CTNNBL1: variants seen among roughly 807,000 people sequenced by gnomAD.
CTNNBL1 encodes the protein catenin beta like 1.
CTNNBL1 carries 31 observed loss-of-function variants against 72.7 expected under a neutral mutation model. The ratio of observed to expected loss-of-function variants is 0.43; its 90% CI spans 0.32 to 0.58. The LOEUF is 0.58. Ranked by LOEUF, CTNNBL1 falls within the 20% of genes least tolerant of loss-of-function variation. CTNNBL1 has a pLI of 0.08. For missense variants in CTNNBL1, 534 were observed against 725.1 expected, an observed-to-expected ratio of 0.74 and a Z score of 3.03; for synonymous variants, 240 against 267.3, an observed-to-expected ratio of 0.90 and a Z score of 1.00.
rs1235983707 is a variant in CTNNBL1 at position 37,777,333 on chromosome 20, A to G, written c.751-12A>G. The stretch of plus-strand genomic sequence containing the variant: ...CCTTAACATTTTTCTCATTTCTCCT[A>G]TTTCCCCATAGGCAAAGATGCCTTT... On this transcript the variant is annotated splice_polypyrimidine_tract_variant and intron_variant, in intron 7 of 15. Transcript: ENST00000361383. The G allele has an allele frequency of 6.2e-7, 1 of 1,611,706 alleles. No homozygotes were observed. Among genetic ancestry groups the G allele is most frequent in the Non-Finnish European group, 8.5e-7 (1 of 1,177,996 alleles).
intron 11 of CTNNBL1, among the ~76,000 whole-genome samples, chr20:37,806,026 G>C (rs1012152036): frequency 3.9e-5 from 6 of 152,194 alleles, no homozygotes; most frequent in Non-Finnish European, 8.8e-5. Context: ...CAGATTGATG[G>C]TTGTCAGTCA....
chr20:37,858,092 G>T, intron 13 of CTNNBL1, among the ~76,000 whole-genome samples: 1 of 152,250 alleles, frequency 6.6e-6, no homozygotes, highest in African/African-American at 2.4e-5. Context: ...AGCTATTTGA[G>T]AGGCTAAGGT....
intron 1 of CTNNBL1, among the ~76,000 whole-genome samples, chr20:37,695,387 G>T (rs1422478112): frequency 6.6e-6 from 1 of 152,022 alleles, no homozygotes; most frequent in East Asian, 1.9e-4. Context: ...TAGAGACAGG[G>T]TCTTGCTATG....
chr20:37,799,499 C>T (rs1255100697), intron 10 of CTNNBL1, among the ~76,000 whole-genome samples: 2 of 152,218 alleles, frequency 1.3e-5, no homozygotes, highest in African/African-American at 4.8e-5. Context: ...CGTTCTCTGC[C>T]TGGCAAATAC....
intron 7 of CTNNBL1, among the ~76,000 whole-genome samples, chr20:37,768,414 C>T (rs969484166): frequency 1.3e-5 from 2 of 152,154 alleles, no homozygotes; most frequent in African/African-American, 4.8e-5. Context: ...GTTTCACAAA[C>T]AGAATTATGT....
intron 1 of CTNNBL1, among the ~76,000 whole-genome samples, chr20:37,697,628 C>T (rs555627518): frequency 6.6e-6 from 1 of 152,286 alleles, no homozygotes; most frequent in African/African-American, 2.4e-5. Flanking sequence ...TCATTCAACC[C>T]ACTTGTTCAT....
chr20:37,853,496 C>T (rs1199791345), intron 13 of CTNNBL1, among the ~76,000 whole-genome samples: 3 of 152,184 alleles, frequency 2.0e-5, no homozygotes, highest in Admixed American at 6.5e-5. Flanking sequence ...AGGCACCCTT[C>T]GAAGTTCTTT....
intron 1 of CTNNBL1, among the ~76,000 whole-genome samples, chr20:37,712,587 A>C (rs2072947898): frequency 1.3e-5 from 2 of 152,236 alleles, no homozygotes; most frequent in African/African-American, 4.8e-5. Context: ...TGCATTGAGC[A>C]GCGATTGTGA....
chr20:37,702,323 G>GC (rs1388497446), intron 1 of CTNNBL1, among the ~76,000 whole-genome samples: 1 of 152,162 alleles, frequency 6.6e-6, no homozygotes, highest in Non-Finnish European at 1.5e-5. Context: ...ATTATTATGT[G>GC]CCTCATAAGG....
intron 15 of CTNNBL1, among the ~76,000 whole-genome samples, chr20:37,867,368 C>T (rs1353996118): frequency 6.6e-6 from 1 of 152,166 alleles, no homozygotes; most frequent in Non-Finnish European, 1.5e-5. Context: ...CAGGTCTCCG[C>T]CCTGGAAGAC....
intron 11 of CTNNBL1, among the ~76,000 whole-genome samples, chr20:37,807,322 C>T (rs1446032094): frequency 6.6e-6 from 1 of 152,186 alleles, no homozygotes; most frequent in Non-Finnish European, 1.5e-5. Flanking sequence ...ACTGTCTCCA[C>T]CTCTGCCCAC....
At chr20:37,733,772 G>A (rs972098328) in intron 2 of CTNNBL1, among the ~76,000 whole-genome samples, 9 of 152,092 alleles carry the variant, frequency 5.9e-5, no homozygotes. Flanking sequence ...TGCATAGCAC[G>A]TATCATGATT....
intron 1 of CTNNBL1, among the ~76,000 whole-genome samples, chr20:37,714,823 T>G (rs751204639): frequency 6.6e-6 from 1 of 152,204 alleles, no homozygotes; most frequent in Non-Finnish European, 1.5e-5. Context: ...AGTGCTTTTT[T>G]TGGGTTAGGT....
At chr20:37,866,927 C>T (rs903056849) in intron 15 of CTNNBL1, among the ~76,000 whole-genome samples, 1 of 152,130 alleles carries the variant, frequency 6.6e-6, no homozygotes, top group Non-Finnish European at 1.5e-5. Flanking sequence ...GCTCGACTTC[C>T]CCGGGGCCTT....
intron 1 of CTNNBL1, among the ~76,000 whole-genome samples, chr20:37,719,717 ATATTT>A (rs1399264939): frequency 6.6e-6 from 1 of 152,128 alleles, no homozygotes; most frequent in East Asian, 1.9e-4. Context: ...ATGTTAGAAG[ATATTT>A]TATTTTATTT....
At chr20:37,718,069 C>T (rs959110278) in intron 1 of CTNNBL1, among the ~76,000 whole-genome samples, 3 of 152,226 alleles carry the variant, frequency 2.0e-5, no homozygotes, top group Admixed American at 6.5e-5. Flanking sequence ...TCCCCCCTTT[C>T]TATTCCACAA....
At chr20:37,813,653 A>T (rs2122757132) in intron 11 of CTNNBL1, among the ~76,000 whole-genome samples, 2 of 152,280 alleles carry the variant, frequency 1.3e-5, no homozygotes, top group East Asian at 3.9e-4. Flanking sequence ...TTTTCCATTG[A>T]TGCTCTGTTA....
At chr20:37,709,142 CA>C (rs1330707548) in intron 1 of CTNNBL1, among the ~76,000 whole-genome samples, 1 of 151,526 alleles carries the variant, frequency 6.6e-6, no homozygotes, top group Non-Finnish European at 1.5e-5. Context: ...TCCAAAAAAA[CA>C]AACAAAAAAA....
chr20:37,694,363 C>T (rs559807505), intron 1 of CTNNBL1, among the ~76,000 whole-genome samples: 14 of 152,322 alleles, frequency 9.2e-5, no homozygotes, highest in African/African-American at 2.9e-4. Flanking sequence ...GAGCCCTTCA[C>T]CTCCTCTTCC....
Sources: allele counts gnomAD v4.1 joint callset (sites outside exome capture counted in the v4.1 genomes callset), GRCh38; gene constraint gnomAD v4.1.1; transcripts MANE v1.5; gene names NCBI Gene and HGNC (gene_info 2026-07-23, HGNC 2026-07-21).